CORIN: variants seen among roughly 807,000 people sequenced by gnomAD.
The protein encoded by CORIN is atrial natriuretic peptide-converting enzyme.
CORIN carries 117 observed loss-of-function variants against 125.3 expected under a neutral mutation model. The observed-to-expected ratio is 0.93, with a 90% CI of 0.80 to 1.09. The LOEUF is 1.09. Among genes scored for constraint, CORIN ranks in the 50% least tolerant of loss-of-function variants. The pLI is 0.00. For missense variants in CORIN, 1,253 were observed against 1,306.7 expected (o/e 0.96, Z 0.63); for synonymous variants, 450 against 466.4 (o/e 0.96, Z 0.45).
At chr4:47,777,323 T>C (rs1046489385) in intron 3 of CORIN, among the ~76,000 whole-genome samples, 3 of 152,184 alleles carry the variant, frequency 2.0e-5, no homozygotes, top group Non-Finnish European at 2.9e-5. Flanking sequence ...ACAAGTACTA[T>C]ACCATAAGTC....
At chr4:47,700,794 T>C (rs1036419140) in intron 5 of CORIN, among the ~76,000 whole-genome samples, 2 of 152,176 alleles carry the variant, frequency 1.3e-5, no homozygotes, top group Admixed American at 1.3e-4. Flanking sequence ...GGGAAGGCCA[T>C]CCTACATCCC....
At chr4:47,620,002 C>T (rs1005422826) in intron 19 of CORIN, among the ~76,000 whole-genome samples, 17 of 152,106 alleles carry the variant, frequency 1.1e-4, no homozygotes, top group African/African-American at 3.9e-4. Context: ...AGCTCTCAAG[C>T]GAAGGTGCTA....
intron 5 of CORIN, among the ~76,000 whole-genome samples, chr4:47,709,826 G>C (rs1225286800): frequency 6.6e-6 from 1 of 152,128 alleles, no homozygotes; most frequent in Non-Finnish European, 1.5e-5. Context: ...AAGGTTGCAA[G>C]CAATTTTTGT....
At chr4:47,711,661 G>T (rs887883040) in intron 5 of CORIN, among the ~76,000 whole-genome samples, 1 of 152,192 alleles carries the variant, frequency 6.6e-6, no homozygotes, top group Non-Finnish European at 1.5e-5. Flanking sequence ...AGAAAAAAAA[G>T]TTTTATTTAA....
intron 5 of CORIN, among the ~76,000 whole-genome samples, chr4:47,740,346 TA>T (rs759410203): frequency 9.9e-4 from 150 of 152,070 alleles, no homozygotes; most frequent in Admixed American, 1.7e-3. Context: ...ATCTTCTACC[TA>T]GTTCTACTCA....
chr4:47,644,190 C>T (rs948059831), intron 14 of CORIN, among the ~76,000 whole-genome samples: 3 of 152,178 alleles, frequency 2.0e-5, no homozygotes, highest in African/African-American at 4.8e-5. Flanking sequence ...TTGACCTGAG[C>T]GAATCCCTTA....
In CORIN at chr4:47,661,858, T is replaced by A; in HGVS notation, c.1590-2A>T. 1 of 1,587,098 alleles carries A rather than the reference T, an allele frequency of 6.3e-7. No individual in the cohort carries two copies. Among genetic ancestry groups the A allele is most frequent in the African/African-American group, 1.3e-5 (1 of 74,330 alleles). On this transcript the variant is annotated splice_acceptor_variant, in intron 11 of 21. Transcript: ENST00000273857. LOFTEE classifies it high-confidence loss of function. The stretch of plus-strand genomic sequence containing the variant: ...TCTTTAGAGTGTTCACACAATGCCC[T>A]AGATGAACAAGAAAGACAAAACATT...
At chr4:47,735,946 A>G (rs1728114350) in intron 5 of CORIN, among the ~76,000 whole-genome samples, 1 of 149,254 alleles carries the variant, frequency 6.7e-6, no homozygotes, top group Non-Finnish European at 1.5e-5. Context: ...CCATCTTAAA[A>G]AAAAAAAAAA....
intron 5 of CORIN, among the ~76,000 whole-genome samples, chr4:47,713,889 T>C (rs1726970816): frequency 2.0e-5 from 3 of 152,192 alleles, no homozygotes; most frequent in African/African-American, 7.2e-5. Context: ...ATAACCACTT[T>C]TGTTTTTTTG....
intron 12 of CORIN, among the ~76,000 whole-genome samples, chr4:47,653,976 G>C (rs895514666): frequency 3.3e-5 from 5 of 152,182 alleles, no homozygotes; most frequent in Non-Finnish European, 7.3e-5. Flanking sequence ...TGACTACCTA[G>C]CGGCTCTCAA....
intron 6 of CORIN, among the ~76,000 whole-genome samples, chr4:47,685,704 A>C (rs995217953): frequency 5.3e-5 from 8 of 152,134 alleles, no homozygotes; most frequent in Non-Finnish European, 1.2e-4. Flanking sequence ...AGAAATCTGC[A>C]TTTTACAGAA....
intron 1 of CORIN, among the ~76,000 whole-genome samples, chr4:47,818,909 A>G (rs1413738155): frequency 2.0e-5 from 3 of 151,814 alleles, no homozygotes; most frequent in Non-Finnish European, 2.9e-5. Flanking sequence ...TTGGACAACT[A>G]TGCCAAGCAG....
intron 4 of CORIN, among the ~76,000 whole-genome samples, chr4:47,748,166 T>C (rs1349920190): frequency 2.4e-4 from 37 of 152,214 alleles, no homozygotes; most frequent in Admixed American, 2.4e-3. Context: ...TTTCCAACAG[T>C]GAGCAAAATG....
intron 4 of CORIN, among the ~76,000 whole-genome samples, chr4:47,753,341 T>C (rs1340476670): frequency 2.0e-5 from 3 of 152,232 alleles, no homozygotes; most frequent in Non-Finnish European, 4.4e-5. Context: ...TGTTTTCAGC[T>C]GTGCACATAT....
At chr4:47,718,984 T>C (rs751769482) in intron 5 of CORIN, among the ~76,000 whole-genome samples, 8 of 152,142 alleles carry the variant, frequency 5.3e-5, no homozygotes, top group Non-Finnish European at 1.2e-4. Context: ...GCACTTCACA[T>C]GCCCCCTCCA....
intron 1 of CORIN, among the ~76,000 whole-genome samples, chr4:47,823,753 G>T (rs1479935749): frequency 6.6e-6 from 1 of 152,160 alleles, no homozygotes; most frequent in African/African-American, 2.4e-5. Flanking sequence ...CCCCCAGTCT[G>T]TAACTAATTT....
At chr4:47,776,841 G>A (rs1188012938) in intron 3 of CORIN, among the ~76,000 whole-genome samples, 1 of 152,020 alleles carries the variant, frequency 6.6e-6, no homozygotes, top group Non-Finnish European at 1.5e-5. Flanking sequence ...TTAAAATGAA[G>A]CAGTTTAATC....
intron 5 of CORIN, among the ~76,000 whole-genome samples, chr4:47,711,326 T>C (rs1298199445): frequency 2.0e-5 from 3 of 152,238 alleles, no homozygotes; most frequent in Admixed American, 6.5e-5. Flanking sequence ...GATGCCTCCA[T>C]GTACCCAGCC....
intron 19 of CORIN, among the ~76,000 whole-genome samples, chr4:47,607,329 A>G (rs1721691723): frequency 6.6e-6 from 1 of 151,732 alleles, no homozygotes; most frequent in African/African-American, 2.4e-5. Flanking sequence ...AATGGCGTGA[A>G]CCCGGGAGGC....
Sources: gnomAD v4.1 joint callset for allele counts (sites outside exome capture counted in the v4.1 genomes callset) on GRCh38, gnomAD v4.1.1 for gene constraint, MANE v1.5 for transcripts, NCBI Gene and HGNC (gene_info 2026-07-23, HGNC 2026-07-21) for gene names.